CDH13: variants seen among roughly 807,000 people sequenced by gnomAD.
The protein encoded by CDH13 is cadherin 13.
CDH13 carries 24 observed loss-of-function variants against 63.8 expected under a neutral mutation model. That is an observed-to-expected ratio of 0.38 (90% CI 0.27 to 0.53). The LOEUF (loss-of-function observed/expected upper bound fraction) is 0.53, where lower values mean the gene tolerates loss of function less well. Among genes scored for constraint, CDH13 ranks in the 20% least tolerant of loss-of-function variants. The pLI is 0.85. For missense variants in CDH13, 1,049 were observed against 903.1 expected (o/e 1.16, Z -2.07); for synonymous variants, 503 against 355.3 (o/e 1.42, Z -4.67).
At chr16:83,559,019 T>C (rs1413630944) in intron 7 of CDH13, among the ~76,000 whole-genome samples, 1 of 152,150 alleles carries the variant, frequency 6.6e-6, no homozygotes, top group Non-Finnish European at 1.5e-5. Context: ...TTAGTCATGC[T>C]GGAGCCCTCT....
At chr16:83,185,939 T>G (rs2038504468) in intron 4 of CDH13, among the ~76,000 whole-genome samples, 1 of 152,108 alleles carries the variant, frequency 6.6e-6, no homozygotes, top group South Asian at 2.1e-4. Context: ...GAAAACCAAT[T>G]ATCATCCCCT....
chr16:82,697,132 G>A (rs1259947702), intron 1 of CDH13, among the ~76,000 whole-genome samples: 1 of 152,160 alleles, frequency 6.6e-6, no homozygotes, highest in Non-Finnish European at 1.5e-5. Context: ...ACTGAGTCCA[G>A]GTCCACACTC....
At chr16:82,897,906 C>A (rs903701599) in intron 2 of CDH13, among the ~76,000 whole-genome samples, 1 of 152,172 alleles carries the variant, frequency 6.6e-6, no homozygotes, top group African/African-American at 2.4e-5. Context: ...TATCAAACTC[C>A]TTTGCATGCC....
chr16:83,617,402 C>G (rs1478906878), intron 8 of CDH13, among the ~76,000 whole-genome samples: 1 of 152,008 alleles, frequency 6.6e-6, no homozygotes, highest in Non-Finnish European at 1.5e-5. Flanking sequence ...CTAATATGCA[C>G]ATATTCTAGT....
At chr16:82,944,161 C>T (rs988255431) in intron 2 of CDH13, among the ~76,000 whole-genome samples, 11 of 152,176 alleles carry the variant, frequency 7.2e-5, no homozygotes, top group Non-Finnish European at 1.2e-4. Context: ...ACTGAGAATA[C>T]AAGGCAAACC....
At chr16:83,024,761 T>A (rs1271652724) in intron 2 of CDH13, among the ~76,000 whole-genome samples, 1 of 152,252 alleles carries the variant, frequency 6.6e-6, no homozygotes, top group African/African-American at 2.4e-5. Context: ...TCACCAACAA[T>A]CCGTTTGGAG....
At chr16:83,623,968 A>G (rs1237369411) in intron 8 of CDH13, among the ~76,000 whole-genome samples, 2 of 152,216 alleles carry the variant, frequency 1.3e-5, no homozygotes, top group African/African-American at 2.4e-5. Flanking sequence ...ACAGAAATCC[A>G]CTTTCAACCA....
chr16:83,369,834 T>A (rs191479769), intron 6 of CDH13, among the ~76,000 whole-genome samples: 1 of 152,276 alleles, frequency 6.6e-6, no homozygotes, highest in African/African-American at 2.4e-5. Flanking sequence ...ATTCCCAAAC[T>A]GTGAGCCTCG....
intron 6 of CDH13, among the ~76,000 whole-genome samples, chr16:83,439,809 G>C (rs1462772997): frequency 6.6e-6 from 1 of 152,172 alleles, no homozygotes; most frequent in Non-Finnish European, 1.5e-5. Flanking sequence ...GAGGTCAGTG[G>C]CTACTTTTCT....
chr16:82,859,735 GA>G (rs75873496), intron 2 of CDH13: 1,268 of 123,632 alleles, frequency 0.01, 9 homozygotes, highest in African/African-American at 0.024. Context: ...GGAAAGACAA[GA>G]AAAAAAAAAA....
intron 1 of CDH13, among the ~76,000 whole-genome samples, chr16:82,716,068 AG>A (rs1253635317): frequency 2.6e-5 from 4 of 152,172 alleles, no homozygotes; most frequent in Non-Finnish European, 5.9e-5. Context: ...ATGACCTTCC[AG>A]GCATGGTGAG....
intron 1 of CDH13, among the ~76,000 whole-genome samples, chr16:82,651,545 C>A (rs1357898568): frequency 1.3e-5 from 2 of 152,200 alleles, no homozygotes; most frequent in African/African-American, 4.8e-5. Context: ...TCTTAAATTC[C>A]TCTGGCCAGG....
chr16:83,109,461 T>C (rs943188281), intron 3 of CDH13, among the ~76,000 whole-genome samples: 1 of 152,204 alleles, frequency 6.6e-6, no homozygotes, highest in Non-Finnish European at 1.5e-5. Flanking sequence ...TGGATAGTCA[T>C]GTATCATTTA....
intron 6 of CDH13, among the ~76,000 whole-genome samples, chr16:83,360,693 A>T (rs929863481): frequency 1.3e-5 from 2 of 152,142 alleles, no homozygotes; most frequent in Admixed American, 1.3e-4. Context: ...CCCACTTATA[A>T]GTGAGAATGT....
At chr16:83,204,219 C>T (rs1204508818) in intron 4 of CDH13, among the ~76,000 whole-genome samples, 1 of 152,168 alleles carries the variant, frequency 6.6e-6, no homozygotes. Context: ...ATCTGTTGCC[C>T]CTATGAAGTA....
chr16:83,526,201 A>C (rs2151626322), intron 7 of CDH13, among the ~76,000 whole-genome samples: 1 of 152,220 alleles, frequency 6.6e-6, no homozygotes, highest in South Asian at 2.1e-4. Context: ...CAGAGTCAGA[A>C]GTTTTGTTTT....
At chr16:83,196,027 A>C (rs557031039) in intron 4 of CDH13, among the ~76,000 whole-genome samples, 1 of 152,144 alleles carries the variant, frequency 6.6e-6, no homozygotes, top group Admixed American at 6.5e-5. Context: ...AGGCCGAGGC[A>C]GGCGGATCAC....
intron 5 of CDH13, among the ~76,000 whole-genome samples, chr16:83,317,395 G>A (rs2090130209): frequency 6.6e-6 from 1 of 152,164 alleles, no homozygotes; most frequent in Non-Finnish European, 1.5e-5. Context: ...GCCTATGCTT[G>A]TGTTACATCT....
intron 10 of CDH13, among the ~76,000 whole-genome samples, chr16:83,726,626 G>T (rs569166887): frequency 1.4e-4 from 22 of 152,270 alleles, no homozygotes; most frequent in African/African-American, 5.1e-4. Flanking sequence ...ACGAGGTGAG[G>T]AGATCAAGAC....
Sources: allele counts gnomAD v4.1 joint callset (sites outside exome capture counted in the v4.1 genomes callset), GRCh38; gene constraint gnomAD v4.1.1; transcripts MANE v1.5; gene names NCBI Gene and HGNC (gene_info 2026-07-23, HGNC 2026-07-21).